Variants in NRXN1 observed in about 807,000 individuals in gnomAD.
The protein encoded by NRXN1 is neurexin 1.
Under a neutral mutation model 150.9 loss-of-function variants are expected in NRXN1, and 39 were observed. The ratio of observed to expected loss-of-function variants is 0.26; its 90% confidence interval spans 0.20 to 0.34. The LOEUF is 0.34. Among genes scored for constraint, NRXN1 ranks in the 10% least tolerant of loss-of-function variants. NRXN1 has a pLI of 1.00. For missense variants in NRXN1, 1,815 were observed against 1,949.9 expected (o/e 0.93, Z 1.30); for synonymous variants, 924 against 757.0 (o/e 1.22, Z -3.62).
At chr2:50,425,906 A>G (rs2104314796) in intron 17 of NRXN1, among the ~76,000 whole-genome samples, 1 of 152,280 alleles carries the variant, frequency 6.6e-6, no homozygotes, top group Middle Eastern at 3.4e-3. Flanking sequence ...TCAAAAACAG[A>G]AAATACAGGC....
At chr2:50,044,684 T>C (rs72889576) in intron 21 of NRXN1, among the ~76,000 whole-genome samples, 5,002 of 152,300 alleles carry the variant, frequency 0.033, 284 homozygotes, top group African/African-American at 0.11. Flanking sequence ...TAGGGCACTT[T>C]ATAATTTATG....
chr2:49,943,573 C>G, intron 22 of NRXN1, 131 bp downstream of exon 22: 2 of 686,632 alleles, frequency 2.9e-6, no homozygotes, highest in Admixed American at 2.3e-5. Context: ...AAATAAGAGT[C>G]CTCATCTCAC....
chr2:50,096,350 C>T (rs1220749741), intron 18 of NRXN1, among the ~76,000 whole-genome samples: 1 of 152,092 alleles, frequency 6.6e-6, no homozygotes, highest in East Asian at 1.9e-4. Flanking sequence ...GATATTCTTA[C>T]AACACAACCA....
chr2:50,278,625 T>G (rs2070987295), intron 17 of NRXN1, among the ~76,000 whole-genome samples: 1 of 151,964 alleles, frequency 6.6e-6, no homozygotes, highest in Non-Finnish European at 1.5e-5. Flanking sequence ...TAAAGCATGG[T>G]GGAACATATT....
chr2:50,307,493 A>C (rs1381231548), intron 17 of NRXN1, among the ~76,000 whole-genome samples: 1 of 152,220 alleles, frequency 6.6e-6, no homozygotes, highest in Non-Finnish European at 1.5e-5. Flanking sequence ...ACTCTTGGTC[A>C]TCTGAGTAGA....
chr2:50,056,721 G>A (rs1464004446), intron 19 of NRXN1, among the ~76,000 whole-genome samples: 1 of 151,992 alleles, frequency 6.6e-6, no homozygotes, highest in Non-Finnish European at 1.5e-5. Flanking sequence ...AGGACAGTGT[G>A]ATTATTGATC....
intron 9 of NRXN1, among the ~76,000 whole-genome samples, chr2:50,548,977 T>C (rs923860885): frequency 1.3e-5 from 2 of 152,170 alleles, no homozygotes; most frequent in Non-Finnish European, 2.9e-5. Flanking sequence ...TCAACAGATA[T>C]GGCCTCATTA....
intron 17 of NRXN1, among the ~76,000 whole-genome samples, chr2:50,461,577 G>A (rs941156473): frequency 4.6e-5 from 7 of 151,920 alleles, no homozygotes; most frequent in East Asian, 1.9e-4. Flanking sequence ...GATGGTGGAC[G>A]AATGTGTAAG....
At chr2:50,486,668 C>T (rs897130169) in intron 15 of NRXN1, among the ~76,000 whole-genome samples, 3 of 151,704 alleles carry the variant, frequency 2.0e-5, no homozygotes, top group East Asian at 1.9e-4. Flanking sequence ...GTGAGTGGGG[C>T]ATGAGGAGGG....
chr2:50,349,235 T>G (rs1575178526), intron 17 of NRXN1, among the ~76,000 whole-genome samples: 1 of 152,338 alleles, frequency 6.6e-6, no homozygotes, highest in South Asian at 2.1e-4. Flanking sequence ...CTTTTATCTA[T>G]TTAAATATGC....
At chr2:50,644,593 T>A (rs1185953901) in intron 5 of NRXN1, among the ~76,000 whole-genome samples, 4 of 151,696 alleles carry the variant, frequency 2.6e-5, no homozygotes, top group Non-Finnish European at 4.4e-5. Context: ...TATTACCAGT[T>A]CACTAGAAGA....
At chr2:50,827,772 C>T (rs977883053) in intron 5 of NRXN1, among the ~76,000 whole-genome samples, 1 of 151,024 alleles carries the variant, frequency 6.6e-6, no homozygotes, top group African/African-American at 2.4e-5. Context: ...GTGTTTGTGT[C>T]CCTGGGTACT....
intron 21 of NRXN1, among the ~76,000 whole-genome samples, chr2:49,964,836 C>A (rs1488874909): frequency 2.0e-5 from 3 of 152,012 alleles, no homozygotes; most frequent in Non-Finnish European, 4.4e-5. Context: ...AGCAAAAGTC[C>A]ATCTCAAAAA....
chr2:51,028,208 G>C lies in NRXN1; in HGVS notation c.66C>G (p.Gly22=). 6.7e-7 allele frequency: 1 copy of C among 1,485,652 alleles called. No individual in the cohort carries two copies. Among genetic ancestry groups the C allele is most frequent in the East Asian group, 2.4e-5 (1 of 42,280 alleles). 92.0% of individuals were successfully genotyped at this position (1,485,652 alleles called of 1,614,324 possible). The change falls in exon 2 of 23, where the codon GGC becomes GGG. Residue 22 remains glycine (G), a synonymous_variant. Coordinates refer to ENST00000401669, the MANE Select transcript of NRXN1 (RefSeq NM_001330078.2). ...GCCCGCTGCCCAGCTCCGCCCAGCAGCCCAGGAGCAGCAGCGAGAGGCACA... is the reference window on the plus strand; with the variant it reads ...GCCCGCTGCCCAGCTCCGCCCAGCACCCCAGGAGCAGCAGCGAGAGGCACA... ...FLLCLSLLLL[G]CWAELGSGLE...
chr2:50,524,051 T>A (rs2092873697), intron 12 of NRXN1, among the ~76,000 whole-genome samples: 1 of 152,136 alleles, frequency 6.6e-6, no homozygotes, highest in African/African-American at 2.4e-5. Flanking sequence ...GAGTGAATCT[T>A]AATAGAAAGA....
At chr2:50,756,940 T>G (rs1230592912) in intron 5 of NRXN1, among the ~76,000 whole-genome samples, 2 of 151,876 alleles carry the variant, frequency 1.3e-5, no homozygotes, top group Admixed American at 1.3e-4. Flanking sequence ...TCTAATCTTG[T>G]GCTGTCTTTG....
chr2:50,996,021 G>C (rs1699232161), intron 2 of NRXN1, among the ~76,000 whole-genome samples: 1 of 152,054 alleles, frequency 6.6e-6, no homozygotes, highest in Non-Finnish European at 1.5e-5. Flanking sequence ...ATATTATGGA[G>C]GGGAAAAGTC....
intron 17 of NRXN1, among the ~76,000 whole-genome samples, chr2:50,371,619 G>A (rs188928383): frequency 3.7e-4 from 57 of 152,060 alleles, no homozygotes; most frequent in Middle Eastern, 3.4e-3. Context: ...TAAGTTTCAA[G>A]GGAAGGATGA....
chr2:50,466,570 T>A, intron 16 of NRXN1: 1 of 450,306 alleles, frequency 2.2e-6, no homozygotes, highest in Admixed American at 2.4e-5. Context: ...CAGAAGAATG[T>A]TCAGATTCAA....
Sources: gnomAD v4.1 joint callset for allele counts (sites outside exome capture counted in the v4.1 genomes callset) on GRCh38, gnomAD v4.1.1 for gene constraint, MANE v1.5 for transcripts, NCBI Gene and HGNC (gene_info 2026-07-23, HGNC 2026-07-21) for gene names.